ADAMTS12: variants seen among roughly 807,000 people sequenced by gnomAD.
ADAMTS12 encodes A disintegrin and metalloproteinase with thrombospondin motifs 12.
In ADAMTS12, 118 loss-of-function variants were observed where a neutral mutation model predicts 167.8. The observed-to-expected ratio is 0.70, with a 90% CI of 0.61 to 0.82. ADAMTS12 has a LOEUF of 0.82. ADAMTS12 is among the 40% of genes least tolerant of loss of function. The pLI is 0.00. For missense variants in ADAMTS12, 1,916 were observed against 1,998.8 expected (o/e 0.96, Z 0.79); for synonymous variants, 704 against 716.9 (o/e 0.98, Z 0.29).
chr5:33,765,026 G>A (rs16891678), intron 2 of ADAMTS12, among the ~76,000 whole-genome samples: 3,017 of 152,246 alleles, frequency 0.02, 106 homozygotes, highest in East Asian at 0.14. Flanking sequence ...AGTCCTGGGT[G>A]TTAAATTACA....
chr5:33,699,018 G>A (rs1742889569), intron 3 of ADAMTS12, among the ~76,000 whole-genome samples: 1 of 152,142 alleles, frequency 6.6e-6, no homozygotes, highest in Admixed American at 6.5e-5. Context: ...TTAGCCAGGT[G>A]TGGTGGTGGG....
chr5:33,823,288 G>C (rs758352162), intron 2 of ADAMTS12, among the ~76,000 whole-genome samples: 3 of 152,166 alleles, frequency 2.0e-5, no homozygotes, highest in Non-Finnish European at 4.4e-5. Context: ...CACACTGGCT[G>C]TTATTCTTTC....
chr5:33,748,080 G>A (rs1744853221), intron 3 of ADAMTS12, among the ~76,000 whole-genome samples: 1 of 152,164 alleles, frequency 6.6e-6, no homozygotes, highest in African/African-American at 2.4e-5. Flanking sequence ...TACCTGCCAG[G>A]ACCCTTTTCT....
chr5:33,630,716 A>G (rs1267468994), intron 13 of ADAMTS12, 64 bp downstream of exon 13: 3 of 1,550,984 alleles, frequency 1.9e-6, no homozygotes, highest in Non-Finnish European at 2.6e-6. Context: ...AGAACATCTG[A>G]CTTCCCAAAT....
intron 2 of ADAMTS12, among the ~76,000 whole-genome samples, chr5:33,790,782 C>CATATATATATAT (rs10622464): frequency 1.1e-3 from 144 of 134,018 alleles, no homozygotes; most frequent in African/African-American, 3.7e-3. Flanking sequence ...GACATACAAA[C>CATATATATATAT]ATATATATAT....
chr5:33,569,338 G>A (rs1746185000), intron 19 of ADAMTS12, among the ~76,000 whole-genome samples: 2 of 152,200 alleles, frequency 1.3e-5, no homozygotes, highest in African/African-American at 4.8e-5. Flanking sequence ...CTAACTGGGA[G>A]GCACCCCCCA....
chr5:33,642,831 C>A (rs556844045), intron 10 of ADAMTS12, among the ~76,000 whole-genome samples: 1 of 152,088 alleles, frequency 6.6e-6, no homozygotes, highest in Non-Finnish European at 1.5e-5. Context: ...CATAAAGATG[C>A]CCACAAAACA....
chr5:33,685,385 C>G (rs1742285489), intron 3 of ADAMTS12, among the ~76,000 whole-genome samples: 1 of 152,216 alleles, frequency 6.6e-6, no homozygotes, highest in Non-Finnish European at 1.5e-5. Flanking sequence ...GCATCTAGGA[C>G]TATACCTCCT....
rs1469292176 is a variant in ADAMTS12 at position 33,526,988 on chromosome 5, G to A, written c.*200C>T. On this transcript the variant is annotated 3_prime_UTR_variant, in exon 24 of 24. Coordinates refer to ENST00000504830, the MANE Select transcript of ADAMTS12 (RefSeq NM_030955.4). Reference sequence around the variant, plus strand: ...CCTAGCTATTTCACCTTCCTATCAGGGAGCAGCAAGTACGGCAGCCTAGGC... The same window carrying A: ...CCTAGCTATTTCACCTTCCTATCAGAGAGCAGCAAGTACGGCAGCCTAGGC... 3.3e-6 allele frequency: 2 copies of A among 601,900 alleles called. No homozygotes were observed. Among genetic ancestry groups the A allele is most frequent in the Admixed American group, 6.2e-5 (2 of 32,110 alleles). The allele number at this position is 601,900 out of a possible 1,614,324, so 37.3% of individuals were successfully genotyped here. A position where few individuals can be genotyped will look rare whatever the true frequency, so the allele number is the denominator to read the frequency against.
chr5:33,601,316 C>A (rs1048243183), intron 16 of ADAMTS12, among the ~76,000 whole-genome samples: 7 of 152,112 alleles, frequency 4.6e-5, no homozygotes, highest in Non-Finnish European at 8.8e-5. Context: ...GTTGTGAGGA[C>A]AAAATGATGT....
At chr5:33,810,170 C>T (rs1013292574) in intron 2 of ADAMTS12, among the ~76,000 whole-genome samples, 4 of 151,914 alleles carry the variant, frequency 2.6e-5, no homozygotes, top group East Asian at 1.9e-4. Context: ...GTCTAGAGAA[C>T]GCTACTGGGT....
At chr5:33,534,694 C>A in intron 23 of ADAMTS12, 139 bp downstream of exon 23, 2 of 1,140,600 alleles carry the variant, frequency 1.8e-6, no homozygotes, top group Non-Finnish European at 2.4e-6. Context: ...ATAGTTTGTT[C>A]CCAGGGTTAC....
chr5:33,878,404 CT>C (rs1268316875), intron 2 of ADAMTS12, among the ~76,000 whole-genome samples: 5 of 152,102 alleles, frequency 3.3e-5, no homozygotes, highest in African/African-American at 1.2e-4. Context: ...TTCCCATCAT[CT>C]TAACTAACAC....
chr5:33,833,017 T>A (rs1748365139), intron 2 of ADAMTS12, among the ~76,000 whole-genome samples: 1 of 152,176 alleles, frequency 6.6e-6, no homozygotes, highest in South Asian at 2.1e-4. Flanking sequence ...TTCTCTCTAG[T>A]CATTGATCTT....
At chr5:33,714,594 T>C (rs926667470) in intron 3 of ADAMTS12, among the ~76,000 whole-genome samples, 6 of 152,030 alleles carry the variant, frequency 3.9e-5, no homozygotes, top group Non-Finnish European at 7.4e-5. Context: ...GTGGGATATA[T>C]ACATGATGGA....
chr5:33,675,721 T>G (rs1741877593), intron 5 of ADAMTS12, among the ~76,000 whole-genome samples: 1 of 152,198 alleles, frequency 6.6e-6, no homozygotes. Flanking sequence ...AAAGCTGTAA[T>G]TGAGCACATT....
intron 1 of ADAMTS12, among the ~76,000 whole-genome samples, chr5:33,888,903 C>A (rs1750744027): frequency 6.6e-6 from 1 of 152,150 alleles, no homozygotes; most frequent in Non-Finnish European, 1.5e-5. Flanking sequence ...AGTCAAATAG[C>A]CTGTTTCTAT....
chr5:33,715,724 T>C (rs1743586973), intron 3 of ADAMTS12, among the ~76,000 whole-genome samples: 1 of 152,140 alleles, frequency 6.6e-6, no homozygotes, highest in Non-Finnish European at 1.5e-5. Context: ...CAAAACACAA[T>C]GAAACCAGCC....
In ADAMTS12 at chr5:33,751,529, G is replaced by A. The variant is rs1264301438; in HGVS notation, c.509C>T (p.Pro170Leu). Residue 170 changes from proline (P) to leucine (L), a missense_variant, in exon 3 of 24, where the codon CCA becomes CTA. By Grantham distance (98) the Pro-to-Leu change is moderately conservative. Coordinates refer to ENST00000504830, the MANE Select transcript of ADAMTS12 (RefSeq NM_030955.4). The stretch of plus-strand genomic sequence containing the variant: ...GGGTTCAATGAAAAAGTCTCCATGT[G>A]GTAGTTGGAAAAATCCAGTCTGTAA... The part of the protein sequence containing the change: ...CHGLTGFFQL[P>L]HGDFFIEPVK... The A allele has an allele frequency of 1.2e-6, 2 of 1,613,690 alleles. No individual in the cohort carries two copies. Among genetic ancestry groups the A allele is most frequent in the South Asian group, 2.2e-5 (2 of 90,990 alleles).
Sources: gnomAD v4.1 joint callset for allele counts (sites outside exome capture counted in the v4.1 genomes callset) on GRCh38, gnomAD v4.1.1 for gene constraint, MANE v1.5 for transcripts, NCBI Gene and HGNC (gene_info 2026-07-23, HGNC 2026-07-21) for gene names.